Variants in SHISAL2A observed in about 807,000 individuals in gnomAD.
SHISAL2A encodes the protein protein shisa-like-2A.
SHISAL2A carries 18 observed loss-of-function variants against 11.5 expected under a neutral mutation model. That is an observed-to-expected ratio of 1.57 (90% confidence interval 1.08 to 2.33). SHISAL2A has a LOEUF of 2.33. SHISAL2A is among the 30% of genes most tolerant of loss of function. The pLI is 0.00. For synonymous variants in SHISAL2A, 94 were observed against 99.6 expected (o/e 0.94, Z 0.34); for missense variants, 261 against 250.9 (o/e 1.04, Z -0.27).
chr1:52,660,410 A>G (rs1052107204), downstream of SHISAL2A, among the ~76,000 whole-genome samples: 1 of 152,116 alleles, frequency 6.6e-6, no homozygotes, highest in African/African-American at 2.4e-5. Context: ...ATTAGAAACA[A>G]ACTGCCCACC....
chr1:52,640,380 A>G (rs989308920), intron 1 of SHISAL2A, among the ~76,000 whole-genome samples: 1 of 152,192 alleles, frequency 6.6e-6, no homozygotes, highest in Non-Finnish European at 1.5e-5. Flanking sequence ...AGAGTGTTCC[A>G]TAACACCTGA....
chr1:52,636,574 T>C (rs1442368774), intron 1 of SHISAL2A, among the ~76,000 whole-genome samples: 5 of 152,224 alleles, frequency 3.3e-5, no homozygotes, highest in Admixed American at 2.0e-4. Context: ...CCTTGGTTCA[T>C]AGGTGTGGGA....
chr1:52,641,705 G>A (rs897339410), intron 1 of SHISAL2A, among the ~76,000 whole-genome samples: 3 of 152,124 alleles, frequency 2.0e-5, no homozygotes, highest in African/African-American at 7.2e-5. Flanking sequence ...ATTTTGGGAG[G>A]TTGAGGTGAG....
intron 1 of SHISAL2A, among the ~76,000 whole-genome samples, chr1:52,639,030 C>T (rs950101389): frequency 4.6e-5 from 7 of 152,078 alleles, no homozygotes; most frequent in African/African-American, 7.2e-5. Context: ...AAAATTAGCT[C>T]GGTGTGGTGG....
At chr1:52,661,381 C>A (rs1165274123), downstream of SHISAL2A, among the ~76,000 whole-genome samples, 1 of 152,204 alleles carries the variant, frequency 6.6e-6, no homozygotes, top group East Asian at 1.9e-4. Flanking sequence ...CATGTATCCA[C>A]AAGAAATGAC....
intron 4 of SHISAL2A, among the ~76,000 whole-genome samples, chr1:52,662,816 T>C (rs966605590): frequency 6.6e-6 from 1 of 152,204 alleles, no homozygotes; most frequent in Non-Finnish European, 1.5e-5. Flanking sequence ...TCATAATTCC[T>C]GCCCTCAGGG....
At chr1:52,656,377 G>A (rs1211961991) in intron 2 of SHISAL2A, among the ~76,000 whole-genome samples, 3 of 152,114 alleles carry the variant, frequency 2.0e-5, no homozygotes, top group African/African-American at 7.2e-5. Flanking sequence ...GAGAAGATAA[G>A]TCACTCAGCA....
At chr1:52,657,092 A>C (rs766096430), downstream of SHISAL2A, 6 of 1,526,608 alleles carry the variant, frequency 3.9e-6, no homozygotes, top group East Asian at 1.1e-4. Flanking sequence ...CTTCAGTGAA[A>C]GGTGGGAGTG....
intron 1 of SHISAL2A, among the ~76,000 whole-genome samples, chr1:52,637,180 T>C (rs1337867521): frequency 4.6e-5 from 7 of 152,134 alleles, no homozygotes; most frequent in African/African-American, 1.7e-4. Context: ...GGCTAAAGGC[T>C]CTAGGGTGAC....
intron 1 of SHISAL2A, among the ~76,000 whole-genome samples, chr1:52,634,304 G>A (rs1166713412): frequency 6.6e-6 from 1 of 152,092 alleles, no homozygotes; most frequent in African/African-American, 2.4e-5. Flanking sequence ...TCAGCCCAGC[G>A]TCAACCCTTG....
chr1:52,665,250 G>GT (rs1370479220), intron 4 of SHISAL2A, among the ~76,000 whole-genome samples: 1 of 152,164 alleles, frequency 6.6e-6, no homozygotes. Flanking sequence ...ATTTTCTATT[G>GT]TTAACATATG....
chr1:52,668,380 C>G (rs1199235330), intron 5 of SHISAL2A: 2 of 152,128 alleles, frequency 1.3e-5, no homozygotes, highest in East Asian at 3.9e-4. Flanking sequence ...TTTGAAAATG[C>G]CCCCCACCCC....
intron 2 of SHISAL2A, among the ~76,000 whole-genome samples, chr1:52,650,631 TTTTTTAAAAC>T (rs1320878051): frequency 2.0e-5 from 3 of 146,576 alleles, no homozygotes; most frequent in Non-Finnish European, 3.0e-5. Context: ...CCATTTTCTT[TTTTTTAAAAC>T]CCTTTTTTTT....
rs1024957267 is a variant in SHISAL2A, at chr1:52,663,560, A to G, written n.696-3839A>G. ...TGGATCACCTAAGGTCATGAGGTCG[A>G]GACCAGCCTGGCCAACATGGTGAAA... On this transcript the variant is annotated intron_variant and non_coding_transcript_variant, in intron 4 of 5. Transcript: ENST00000401050. Among the ~76,000 whole-genome samples, 7 of 152,324 alleles carry G rather than the reference A, an allele frequency of 4.6e-5. No individual in the cohort carries two copies. In the East Asian group the frequency reaches 1.4e-3, roughly 29 times the overall value.
chr1:52,659,451 A>C (rs907069356), downstream of SHISAL2A: 2 of 153,100 alleles, frequency 1.3e-5, no homozygotes, highest in Non-Finnish European at 2.9e-5. Context: ...TCTCACCCTC[A>C]AGGGGCTCAC....
At chr1:52,649,824 G>T (rs569973294) in intron 2 of SHISAL2A, among the ~76,000 whole-genome samples, 1 of 152,170 alleles carries the variant, frequency 6.6e-6, no homozygotes, top group Non-Finnish European at 1.5e-5. Flanking sequence ...ACATTGGGGG[G>T]AAAATTAAGG....
chr1:52,664,487 C>T (rs1402040816), intron 4 of SHISAL2A, among the ~76,000 whole-genome samples: 4 of 151,906 alleles, frequency 2.6e-5, no homozygotes, highest in Non-Finnish European at 5.9e-5. Context: ...TCCCGAGTAG[C>T]TGAGATTACA....
chr1:52,640,710 C>T (rs1039818872), intron 1 of SHISAL2A, among the ~76,000 whole-genome samples: 2 of 152,132 alleles, frequency 1.3e-5, no homozygotes, highest in Non-Finnish European at 2.9e-5. Flanking sequence ...CTAGGAGCAT[C>T]ATTTGTTCTA....
chr1:52,661,750 G>A (rs976245234), downstream of SHISAL2A, among the ~76,000 whole-genome samples: 2 of 152,110 alleles, frequency 1.3e-5, no homozygotes, highest in African/African-American at 2.4e-5. Flanking sequence ...AATAGAATAC[G>A]GCCGGGCATG....
Sources: allele counts gnomAD v4.1 joint callset (sites outside exome capture counted in the v4.1 genomes callset), GRCh38; gene constraint gnomAD v4.1.1; transcripts MANE v1.5; gene names NCBI Gene and HGNC (gene_info 2026-07-23, HGNC 2026-07-21).